Variants in SCAMP1 observed in about 807,000 individuals in gnomAD.
The protein encoded by SCAMP1 is secretory carrier-associated membrane protein 1.
SCAMP1 carries 15 observed loss-of-function variants against 41.8 expected under a neutral mutation model. That is an observed-to-expected ratio of 0.36 (90% CI 0.24 to 0.55). The LOEUF is 0.55. Among genes scored for constraint, SCAMP1 ranks in the 20% least tolerant of loss-of-function variants. SCAMP1 has a pLI of 0.86. For synonymous variants in SCAMP1, 135 were observed against 136.8 expected, an observed-to-expected ratio of 0.99 and a Z score of 0.09; for missense variants, 341 against 412.6, an observed-to-expected ratio of 0.83 and a Z score of 1.50.
rs181180317 is a variant in SCAMP1, at chr5:78,416,614, G to A, written c.308G>A (p.Arg103His). ...GAAAGAAAAGCCGCAGAATTAGATC[G>A]TCGGGAACGAGAAATGCAAAACCTC... ...ELERKAAELD[R>H]REREMQNLSQ... The change falls in exon 4 of 9, where the codon CGT becomes CAT. Residue 103 changes from arginine (R) to histidine (H), a missense_variant. By Grantham distance (29) the Arg-to-His change is conservative (BLOSUM62 0). Transcript: ENST00000621999. The A allele has an allele frequency of 1.9e-5, 31 of 1,595,268 alleles. No individual in the cohort carries two copies. Among genetic ancestry groups the A allele is most frequent in the Admixed American group, 3.5e-5 (2 of 57,554 alleles).
At chr5:78,459,946 C>T (rs972478240) in intron 8 of SCAMP1, among the ~76,000 whole-genome samples, 4 of 152,018 alleles carry the variant, frequency 2.6e-5, no homozygotes, top group African/African-American at 9.7e-5. Context: ...GTGTCTGTTT[C>T]CATCTTTATG....
intron 2 of SCAMP1, among the ~76,000 whole-genome samples, chr5:78,393,324 A>G (rs1751565584): frequency 6.6e-6 from 1 of 152,046 alleles, no homozygotes; most frequent in Non-Finnish European, 1.5e-5. Context: ...CTACAGGTAT[A>G]CTCTACCACA....
chr5:78,360,629 T>C lies in SCAMP1; in HGVS notation c.-43T>C, dbSNP rs1286774519. The C allele has an allele frequency of 1.3e-6, 2 of 1,580,688 alleles. No individual in the cohort carries two copies. Among genetic ancestry groups the C allele is most frequent in the Non-Finnish European group, 1.7e-6 (2 of 1,163,832 alleles). On this transcript the variant is annotated 5_prime_UTR_variant, in exon 1 of 9. Transcript: ENST00000621999. ...GGGCGGCGGCCTCGCCTCGTCTCTC[T>C]CTCTGCGCCTGGGTCGGGTGGGTGA...
intron 7 of SCAMP1, among the ~76,000 whole-genome samples, chr5:78,456,492 T>C (rs1338529072): frequency 6.6e-6 from 1 of 151,892 alleles, no homozygotes; most frequent in Non-Finnish European, 1.5e-5. Context: ...TTCTTTTCTT[T>C]AAGAATGTTG....
rs185762125 is a variant in SCAMP1 at position 78,436,217 on chromosome 5, C to A, written c.633-13716C>A. On this transcript the variant is annotated intron_variant, in intron 6 of 8. Transcript: ENST00000621999. ...TAGTTTCTTTTGCCATGCAGAAGCT[C>A]TTTAGTTTAATTAGATCCCATTTGT... 1.2e-4 allele frequency among the ~76,000 whole-genome samples: 18 copies of A among 152,268 alleles called. No homozygotes were observed. The East Asian group carries it at 1.9e-3, about 16-fold the overall frequency.
chr5:78,376,867 AGAT>A (rs1751077658), intron 1 of SCAMP1, among the ~76,000 whole-genome samples: 1 of 152,134 alleles, frequency 6.6e-6, no homozygotes, highest in Non-Finnish European at 1.5e-5. Flanking sequence ...TGCATTTTAA[AGAT>A]GATCAAGACT....
chr5:78,441,357 T>C (rs1412888066), intron 6 of SCAMP1, among the ~76,000 whole-genome samples: 1 of 152,230 alleles, frequency 6.6e-6, no homozygotes, highest in Non-Finnish European at 1.5e-5. Flanking sequence ...AAAGTTTTGA[T>C]AGTTGATTTA....
At chr5:78,374,849 G>A (rs997873727) in intron 1 of SCAMP1, among the ~76,000 whole-genome samples, 1 of 151,982 alleles carries the variant, frequency 6.6e-6, no homozygotes, top group Non-Finnish European at 1.5e-5. Context: ...GCCATGATAT[G>A]AATTTTTCAA....
rs903315870 is a variant in SCAMP1, at chr5:78,462,744, T to TA, written c.852+3392dup. Among the ~76,000 whole-genome samples, 846 of 150,600 alleles carry TA rather than the reference T, an allele frequency of 5.6e-3. 11 individuals are homozygous for TA. Among genetic ancestry groups the TA allele is most frequent in the African/African-American group, 0.019 (795 of 41,180 alleles). On this transcript the variant is annotated intron_variant, in intron 8 of 8. Coordinates refer to ENST00000621999, the MANE Select transcript of SCAMP1 (RefSeq NM_004866.6). Reference sequence around the variant, plus strand: ...ATTCCCATGTCTGTTTTCACAGCTTTAAAAAAAAAATCATTACATAGAGGA... The same window carrying TA: ...ATTCCCATGTCTGTTTTCACAGCTTTAAAAAAAAAAATCATTACATAGAGGA...
chr5:78,426,234 T>G (rs1485958044), intron 6 of SCAMP1, among the ~76,000 whole-genome samples: 1 of 152,230 alleles, frequency 6.6e-6, no homozygotes, highest in Non-Finnish European at 1.5e-5. Context: ...TTTGCTGTTG[T>G]GAATAGTGCT....
chr5:78,401,295 G>T (rs1751791066), intron 2 of SCAMP1, among the ~76,000 whole-genome samples: 3 of 152,000 alleles, frequency 2.0e-5, no homozygotes. Context: ...TTGATCTATA[G>T]TTTTTTTGTA....
chr5:78,364,917 T>C (rs982423261), intron 1 of SCAMP1, among the ~76,000 whole-genome samples: 12 of 147,860 alleles, frequency 8.1e-5, no homozygotes, highest in African/African-American at 2.5e-4. Flanking sequence ...ATAGGAGATA[T>C]ACCTAATGTA....
At chr5:78,469,129 T>C (rs1210046516) in intron 8 of SCAMP1, among the ~76,000 whole-genome samples, 1 of 152,188 alleles carries the variant, frequency 6.6e-6, no homozygotes, top group Non-Finnish European at 1.5e-5. Context: ...TCATCTATAC[T>C]TTCTTGAAAA....
intron 1 of SCAMP1, among the ~76,000 whole-genome samples, chr5:78,371,007 A>T (rs559308517): frequency 6.9e-6 from 1 of 144,644 alleles, no homozygotes; most frequent in African/African-American, 2.5e-5. Flanking sequence ...CTATTCTTAG[A>T]TTGGGTTATT....
At chr5:78,398,239 C>T (rs1751702683) in intron 2 of SCAMP1, among the ~76,000 whole-genome samples, 1 of 151,804 alleles carries the variant, frequency 6.6e-6, no homozygotes, top group East Asian at 1.9e-4. Context: ...GAAGTAGTTA[C>T]TACAACATAG....
At chr5:78,389,028 G>A in intron 2 of SCAMP1, 114 bp downstream of exon 2, 1 of 531,984 alleles carries the variant, frequency 1.9e-6, no homozygotes, top group South Asian at 3.5e-5. Context: ...AATTGTTAAT[G>A]TTTTATTTAG....
chr5:78,464,779 T>TA (rs1318405500), intron 8 of SCAMP1, among the ~76,000 whole-genome samples: 3 of 152,162 alleles, frequency 2.0e-5, no homozygotes, highest in Non-Finnish European at 4.4e-5. Context: ...TGCTCAGCCA[T>TA]ACTCTGGGCC....
intron 6 of SCAMP1, among the ~76,000 whole-genome samples, chr5:78,441,977 A>T (rs1020372298): frequency 2.0e-5 from 3 of 152,104 alleles, no homozygotes; most frequent in Non-Finnish European, 4.4e-5. Context: ...AAAAGTACAA[A>T]TATTAGTCGG....
intron 1 of SCAMP1, among the ~76,000 whole-genome samples, chr5:78,386,595 A>G (rs13356910): frequency 0.45 from 68,238 of 150,790 alleles, 16,172 homozygotes; most frequent in Non-Finnish European, 0.51. Flanking sequence ...ATTTTAGTGT[A>G]TTTTGAGGAT....
Sources: gnomAD v4.1 joint callset for allele counts (sites outside exome capture counted in the v4.1 genomes callset) on GRCh38, gnomAD v4.1.1 for gene constraint, MANE v1.5 for transcripts, NCBI Gene and HGNC (gene_info 2026-07-23, HGNC 2026-07-21) for gene names.